ANK2: variants seen among roughly 807,000 people sequenced by gnomAD.
ANK2 encodes ankyrin 2.
ANK2 carries 83 observed loss-of-function variants against 360.5 expected under a neutral mutation model. The observed-to-expected ratio is 0.23, with a 90% confidence interval of 0.19 to 0.28. The LOEUF is 0.28. Among genes scored for constraint, ANK2 ranks in the 10% least tolerant of loss-of-function variants. The pLI is 1.00. For missense variants in ANK2, 4,201 were observed against 4,795.7 expected (o/e 0.88, Z 3.66); for synonymous variants, 1,740 against 1,759.5 (o/e 0.99, Z 0.28).
At chr4:112,824,128 G>T (rs1330086803) in intron 1 of ANK2, among the ~76,000 whole-genome samples, 2 of 148,030 alleles carry the variant, frequency 1.4e-5, no homozygotes, top group Non-Finnish European at 3.0e-5. Flanking sequence ...TGTGTTGTAG[G>T]TCTTCAGCAT....
chr4:112,954,215 A>ATCCCTCCCTCCC (rs530640899), intron 2 of ANK2, among the ~76,000 whole-genome samples: 1 of 62,970 alleles, frequency 1.6e-5, no homozygotes. Flanking sequence ...CTCCCCTCCC[A>ATCCCTCCCTCCC]TCCCTCCCTC....
At chr4:112,930,210 T>G (rs1234388028) in intron 2 of ANK2, among the ~76,000 whole-genome samples, 2 of 151,954 alleles carry the variant, frequency 1.3e-5, no homozygotes, top group African/African-American at 4.8e-5. Context: ...TTTTGGGGGC[T>G]GAGGCGGGCA....
At chr4:113,214,846 T>G (rs2099068276) in intron 4 of ANK2, among the ~76,000 whole-genome samples, 1 of 152,202 alleles carries the variant, frequency 6.6e-6, no homozygotes, top group Non-Finnish European at 1.5e-5. Context: ...ATCATATCAC[T>G]GTGAAAGTAC....
intron 4 of ANK2, among the ~76,000 whole-genome samples, chr4:113,224,797 G>C (rs1472138581): frequency 6.6e-6 from 1 of 151,542 alleles, no homozygotes; most frequent in Non-Finnish European, 1.5e-5. Context: ...CTTTAGCTGA[G>C]TGGTAATATT....
intron 17 of ANK2, among the ~76,000 whole-genome samples, chr4:113,279,485 C>G (rs1053739071): frequency 2.0e-5 from 3 of 151,842 alleles, no homozygotes; most frequent in Non-Finnish European, 4.4e-5. Context: ...GAGCTTGTAC[C>G]TGTGTTTGAC....
At chr4:113,310,139 A>C (rs2079158783) in intron 23 of ANK2, among the ~76,000 whole-genome samples, 1 of 152,226 alleles carries the variant, frequency 6.6e-6, no homozygotes, top group African/African-American at 2.4e-5. Context: ...AAATAAGAAA[A>C]TTTGAAATGT....
At chr4:113,200,145 C>T (rs2098809466) in intron 4 of ANK2, among the ~76,000 whole-genome samples, 1 of 152,074 alleles carries the variant, frequency 6.6e-6, no homozygotes, top group Admixed American at 6.6e-5. Flanking sequence ...TTCCTTACAA[C>T]TCAAACCTTC....
At chr4:113,010,387 G>A (rs972563736) in intron 2 of ANK2, among the ~76,000 whole-genome samples, 7 of 152,176 alleles carry the variant, frequency 4.6e-5, no homozygotes, top group East Asian at 3.9e-4. Context: ...ATATTTTAAT[G>A]TATGTATGTT....
chr4:112,779,990 A>C, the ANK2 span, among the ~76,000 whole-genome samples: 121 of 152,228 alleles, frequency 7.9e-4, no homozygotes, highest in Non-Finnish European at 1.2e-3. Flanking sequence ...TGGGAGGCCG[A>C]GGTGGGCGGA....
At chr4:113,120,831 T>A (rs2095306740) in intron 1 of ANK2, among the ~76,000 whole-genome samples, 1 of 152,130 alleles carries the variant, frequency 6.6e-6, no homozygotes, top group African/African-American at 2.4e-5. Flanking sequence ...ATCATTTAGT[T>A]CACACTTATA....
intron 2 of ANK2, among the ~76,000 whole-genome samples, chr4:113,195,318 C>G (rs1177167426): frequency 6.6e-6 from 1 of 151,912 alleles, no homozygotes; most frequent in Admixed American, 6.6e-5. Context: ...TTTCTATAAC[C>G]TTCATATTTA....
chr4:113,332,434 T>C (rs1415823495), intron 28 of ANK2, among the ~76,000 whole-genome samples: 1 of 152,200 alleles, frequency 6.6e-6, no homozygotes, highest in Non-Finnish European at 1.5e-5. Flanking sequence ...GAATGTGACC[T>C]AAAAATAATA....
At chr4:112,732,970 G>A in the ANK2 span, among the ~76,000 whole-genome samples, 1 of 151,992 alleles carries the variant, frequency 6.6e-6, no homozygotes, top group Non-Finnish European at 1.5e-5. Context: ...TGTAATCCCA[G>A]CACTTTGGGA....
chr4:113,323,781 C>T (rs1159398317), intron 26 of ANK2: 5 of 1,611,520 alleles, frequency 3.1e-6, no homozygotes, highest in African/African-American at 2.7e-5. Context: ...ATGTCTTGAA[C>T]GTGACAACAG....
intron 20 of ANK2, among the ~76,000 whole-genome samples, chr4:113,290,676 A>G (rs953784333): frequency 1.3e-5 from 2 of 152,234 alleles, no homozygotes; most frequent in African/African-American, 4.8e-5. Flanking sequence ...CAACACCACC[A>G]AAGTGATTGC....
chr4:112,708,335 G>A, the ANK2 span, among the ~76,000 whole-genome samples: 3 of 152,082 alleles, frequency 2.0e-5, no homozygotes, highest in Non-Finnish European at 4.4e-5. Flanking sequence ...TCTGAACCAT[G>A]TAAAAATTCA....
chr4:113,357,720 C>T lies in ANK2; in HGVS notation c.9102C>T (p.Ile3034=), dbSNP rs2095884882. Residue 3034 remains isoleucine, a synonymous_variant, in exon 38 of 46, where the codon ATC becomes ATT. Coordinates refer to ENST00000357077, the MANE Select transcript of ANK2 (RefSeq NM_001148.6). The stretch of plus-strand genomic sequence containing the variant: ...TTGGTGAACAAATAAGCAAAGTCAT[C>T]ATCACAAAAACTGATGTGGATTCTG... ...TVVGEQISKV[I]ITKTDVDSDS... The T allele has an allele frequency of 1.2e-6, 2 of 1,613,990 alleles. No homozygotes were observed. The highest frequency in any genetic ancestry group is 3.3e-5 in the Admixed American group (2 of 59,996).
At chr4:112,975,355 T>C (rs946894121) in intron 2 of ANK2, among the ~76,000 whole-genome samples, 1 of 152,022 alleles carries the variant, frequency 6.6e-6, no homozygotes, top group Non-Finnish European at 1.5e-5. Context: ...TTCCTTCAAA[T>C]AAAAAAAATC....
At chr4:113,232,792 T>C (rs1424752840) in intron 5 of ANK2, among the ~76,000 whole-genome samples, 1 of 152,126 alleles carries the variant, frequency 6.6e-6, no homozygotes, top group Non-Finnish European at 1.5e-5. Context: ...ATCAGTCTAG[T>C]TTTAAAGAGT....
Sources: allele counts gnomAD v4.1 joint callset (sites outside exome capture counted in the v4.1 genomes callset), GRCh38; gene constraint gnomAD v4.1.1; transcripts MANE v1.5; gene names NCBI Gene and HGNC (gene_info 2026-07-23, HGNC 2026-07-21).